Variants in NEDD9 observed in about 807,000 individuals in gnomAD.
NEDD9 encodes the protein neural precursor cell expressed, developmentally down-regulated 9, also known as enhancer of filamentation 1.
Under a neutral mutation model 76.6 loss-of-function variants are expected in NEDD9, and 26 were observed. The ratio of observed to expected loss-of-function variants is 0.34; its 90% CI spans 0.25 to 0.47. The LOEUF is 0.47. Among genes scored for constraint, NEDD9 ranks in the 20% least tolerant of loss-of-function variants. The pLI, the probability that NEDD9 is intolerant of heterozygous loss-of-function variation, is 1.00. For missense variants in NEDD9, 937 were observed against 1,058.5 expected (o/e 0.89, Z 1.59); for synonymous variants, 392 against 414.2 (o/e 0.95, Z 0.65).
At chr6:11,209,970 C>CTTTTTTTTTTTTTTTTTTTTTTTTTCTTT (rs752612102) in intron 2 of NEDD9, among the ~76,000 whole-genome samples, 1 of 131,072 alleles carries the variant, frequency 7.6e-6, no homozygotes, top group Non-Finnish European at 1.6e-5. Context: ...AATTCACTGT[C>CTTTTTTTTTTTTTTTTTTTTTTTTTCTTT]TTTTTTTTTT....
chr6:11,343,227 A>G (rs748854862), intron 1 of NEDD9, among the ~76,000 whole-genome samples: 73 of 152,148 alleles, frequency 4.8e-4, no homozygotes, highest in Admixed American at 1.2e-3. Context: ...CAGGAGTTCG[A>G]GACCAGCCTG....
intron 3 of NEDD9, among the ~76,000 whole-genome samples, chr6:11,240,529 C>T (rs1357879075): frequency 1.3e-5 from 2 of 152,200 alleles, no homozygotes; most frequent in Non-Finnish European, 2.9e-5. Flanking sequence ...AAAACCTAGC[C>T]AGACCACCTT....
intron 6 of NEDD9, 35 bp from the exon 7 acceptor site, chr6:11,185,706 A>G: frequency 6.2e-7 from 1 of 1,608,324 alleles, no homozygotes; most frequent in Non-Finnish European, 8.5e-7. Flanking sequence ...TCATTAGAGC[A>G]AGGGAGTGTG....
upstream of NEDD9, chr6:11,232,751 T>A (rs1235145158): frequency 7.2e-7 from 1 of 1,389,648 alleles, no homozygotes; most frequent in Non-Finnish European, 9.4e-7. Flanking sequence ...GACAAGGTAA[T>A]GCTCAGGCCC....
At chr6:11,320,202 C>A (rs1260417847) in intron 2 of NEDD9, among the ~76,000 whole-genome samples, 2 of 152,078 alleles carry the variant, frequency 1.3e-5, no homozygotes, top group Non-Finnish European at 2.9e-5. Context: ...TTTTGTTACT[C>A]ACAGTCAAAA....
chr6:11,366,415 A>AG lies in NEDD9; in HGVS notation c.-214+15723_-214+15724insC, dbSNP rs766608592. The stretch of plus-strand genomic sequence containing the variant: ...GAGAGAGAAATAAAAGAAGAAAGAA[A>AG]AAAGAAAAAGAAAGGAAGAAAGAAA... On this transcript the variant is annotated intron_variant, in intron 1 of 3. Coordinates refer to the NEDD9 transcript ENST00000397378. 1.2e-4 allele frequency among the ~76,000 whole-genome samples: 18 copies of AG among 150,354 alleles called. 1 individual carries two copies. In the South Asian group the frequency reaches 3.8e-3, roughly 32 times the overall value.
At chr6:11,302,722 T>A (rs1761081688) in intron 3 of NEDD9, among the ~76,000 whole-genome samples, 1 of 152,134 alleles carries the variant, frequency 6.6e-6, no homozygotes, top group Admixed American at 6.5e-5. Context: ...TACACAAATC[T>A]GTAAATGTAA....
At chr6:11,344,138 T>G (rs996231606) in intron 1 of NEDD9, among the ~76,000 whole-genome samples, 1 of 152,192 alleles carries the variant, frequency 6.6e-6, no homozygotes, top group African/African-American at 2.4e-5. Flanking sequence ...AACTCTTAGG[T>G]GTAGTGGGCT....
intron 2 of NEDD9, among the ~76,000 whole-genome samples, chr6:11,317,564 G>A (rs142915400): frequency 5.9e-5 from 9 of 152,254 alleles, no homozygotes; most frequent in Admixed American, 5.9e-4. Context: ...GAAAGAACTT[G>A]ACAATTAGAT....
intron 3 of NEDD9, among the ~76,000 whole-genome samples, chr6:11,288,195 C>T (rs928048456): frequency 7.2e-5 from 11 of 152,194 alleles, no homozygotes; most frequent in Non-Finnish European, 1.6e-4. Context: ...TGGCGTATGG[C>T]GTGTGGCCTG....
rs6922306 is a variant in NEDD9 at position 11,192,632 on chromosome 6, A to G, written c.562-186T>C. The G allele has an allele frequency of 3.5e-3, 1,750 of 506,002 alleles. 21 individuals are homozygous for G. The highest frequency in any genetic ancestry group is 0.032 in the African/African-American group (1,564 of 48,618). The allele number at this position is 506,002 out of a possible 1,614,324, so 31.3% of individuals were successfully genotyped here. ...ATACATTTTATGGTTTTTAACTTAC[A>G]TTTAATATAAAAATGATTTTGGCCA... On this transcript the variant is annotated intron_variant, in intron 3 of 6. Transcript: ENST00000379446.
At chr6:11,327,126 A>C (rs961040808) in intron 2 of NEDD9, among the ~76,000 whole-genome samples, 3 of 152,216 alleles carry the variant, frequency 2.0e-5, no homozygotes, top group African/African-American at 7.2e-5. Flanking sequence ...TGGCATGGCC[A>C]CCATAGTTCT....
At chr6:11,219,317 C>T (rs887110152) in intron 1 of NEDD9, among the ~76,000 whole-genome samples, 1 of 152,240 alleles carries the variant, frequency 6.6e-6, no homozygotes, top group Non-Finnish European at 1.5e-5. Flanking sequence ...CATGACCACT[C>T]ATGCGGTCGT....
chr6:11,379,585 A>C (rs1255287878), intron 1 of NEDD9, among the ~76,000 whole-genome samples: 1 of 152,180 alleles, frequency 6.6e-6, no homozygotes, highest in Admixed American at 6.5e-5. Context: ...TCTCAAAAAT[A>C]ATAATAGTAA....
At chr6:11,251,312 T>A (rs1759909191) in intron 3 of NEDD9, 1 of 152,166 alleles carries the variant, frequency 6.6e-6, no homozygotes, top group African/African-American at 2.4e-5. Flanking sequence ...CCTCTACTAA[T>A]GAGATACCTA....
At chr6:11,220,187 T>C (rs1357877448) in intron 1 of NEDD9, among the ~76,000 whole-genome samples, 2 of 152,064 alleles carry the variant, frequency 1.3e-5, no homozygotes, top group African/African-American at 4.8e-5. Flanking sequence ...TGCTGAGAGG[T>C]GTTCAACATT....
chr6:11,321,167 A>C (rs12662885), intron 2 of NEDD9, among the ~76,000 whole-genome samples: 23,356 of 84,818 alleles, frequency 0.28, 2,425 homozygotes, highest in East Asian at 0.55. Flanking sequence ...GAGGGAGGGA[A>C]AGAAGGAAGG....
chr6:11,270,328 C>G (rs559723154), intron 3 of NEDD9, among the ~76,000 whole-genome samples: 57 of 151,428 alleles, frequency 3.8e-4, no homozygotes, highest in African/African-American at 1.3e-3. Context: ...TACAGTATCA[C>G]CAAATGCAGG....
Position 11,363,819 on chromosome 6 carries a change from TC to T in NEDD9, c.-214+18319del, listed in dbSNP as rs548853154. Among the ~76,000 whole-genome samples, 357 of 149,196 alleles carry T rather than the reference TC, an allele frequency of 2.4e-3. 1 individual carries two copies. Among genetic ancestry groups the T allele is most frequent in the Admixed American group, 4.7e-3 (70 of 14,974 alleles). On this transcript the variant is annotated intron_variant, in intron 1 of 3. Coordinates refer to the NEDD9 transcript ENST00000397378. ...CATTCTAAACCTGAGTATTTTTTTT[TC>T]TGCATAATAGTAAGGGCTAAAAAAA... is the stretch of plus-strand genomic sequence containing the variant.
Sources: allele counts gnomAD v4.1 joint callset (sites outside exome capture counted in the v4.1 genomes callset), GRCh38; gene constraint gnomAD v4.1.1; transcripts MANE v1.5; gene names NCBI Gene and HGNC (gene_info 2026-07-23, HGNC 2026-07-21).